OSBPL10: variants seen among roughly 807,000 people sequenced by gnomAD.
The protein encoded by OSBPL10 is oxysterol-binding protein-related protein 10.
A neutral mutation model predicts 81.7 loss-of-function variants in OSBPL10; 49 were observed. That is an observed-to-expected ratio of 0.60 (90% CI 0.48 to 0.76). The LOEUF (loss-of-function observed/expected upper bound fraction) is 0.76. OSBPL10 is among the 30% of genes least tolerant of loss of function. The pLI is 0.00. For missense variants in OSBPL10, 923 were observed against 987.8 expected (o/e 0.93, Z 0.88); for synonymous variants, 419 against 383.6 (o/e 1.09, Z -1.08).
chr3:31,995,387 A>G (rs1193323409), intron 2 of OSBPL10, among the ~76,000 whole-genome samples: 1 of 152,172 alleles, frequency 6.6e-6, no homozygotes, highest in Non-Finnish European at 1.5e-5. Context: ...TTGCTAGGAA[A>G]AGAATTTAGC....
intron 1 of OSBPL10, among the ~76,000 whole-genome samples, chr3:31,893,174 T>C (rs1463869398): frequency 6.6e-6 from 1 of 152,158 alleles, no homozygotes; most frequent in Non-Finnish European, 1.5e-5. Context: ...AAATACCAAG[T>C]ATATACATGC....
intron 1 of OSBPL10, among the ~76,000 whole-genome samples, chr3:32,057,668 C>G (rs777841297): frequency 4.6e-5 from 7 of 152,202 alleles, no homozygotes; most frequent in Admixed American, 6.5e-5. Flanking sequence ...CCCCCATGAT[C>G]CAATTACCTC....
intron 7 of OSBPL10, among the ~76,000 whole-genome samples, chr3:31,697,205 G>T (rs1175167651): frequency 6.6e-6 from 1 of 152,144 alleles, no homozygotes; most frequent in Non-Finnish European, 1.5e-5. Context: ...AAGAAGTCGG[G>T]CGACCCAGTT....
chr3:32,041,772 C>T (rs1461231442), intron 2 of OSBPL10, among the ~76,000 whole-genome samples: 1 of 152,094 alleles, frequency 6.6e-6, no homozygotes, highest in Non-Finnish European at 1.5e-5. Context: ...ATTCTCCTGC[C>T]TCAATCTCCC....
At chr3:31,796,135 T>C in intron 4 of OSBPL10, 1 of 178,168 alleles carries the variant, frequency 5.6e-6, no homozygotes. Context: ...AGCCATTCTC[T>C]CCTTCAGCAT....
upstream of OSBPL10, chr3:32,077,631 T>C (rs767706101): frequency 1.3e-5 from 2 of 152,154 alleles, no homozygotes; most frequent in Non-Finnish European, 2.9e-5. Context: ...ACACTGCACA[T>C]GCTCACCTCC....
intron 4 of OSBPL10, among the ~76,000 whole-genome samples, chr3:31,764,099 G>C (rs1310050684): frequency 6.6e-6 from 1 of 152,198 alleles, no homozygotes; most frequent in Non-Finnish European, 1.5e-5. Context: ...TTGCAAAAGA[G>C]CTAACCGCCC....
chr3:31,745,398 C>G (rs1469501056), intron 5 of OSBPL10, among the ~76,000 whole-genome samples: 1 of 152,170 alleles, frequency 6.6e-6, no homozygotes, highest in East Asian at 1.9e-4. Flanking sequence ...AAAGGTGAAG[C>G]AAACATCATA....
intron 2 of OSBPL10, among the ~76,000 whole-genome samples, chr3:31,878,826 TGTGTGTGTG>T (rs1701549636): frequency 8.1e-6 from 1 of 123,148 alleles, no homozygotes; most frequent in African/African-American, 2.7e-5. Context: ...TGTGTGTGTG[TGTGTGTGTG>T]TGTGTGTGTG....
chr3:31,718,953 A>C (rs1037065715), intron 6 of OSBPL10: 1 of 152,174 alleles, frequency 6.6e-6, no homozygotes, highest in African/African-American at 2.4e-5. Flanking sequence ...CACATGGTGC[A>C]TTTCTCTTAA....
intron 1 of OSBPL10, among the ~76,000 whole-genome samples, chr3:31,978,333 T>C (rs116285080): frequency 0.015 from 2,344 of 152,360 alleles, 19 homozygotes; most frequent in Non-Finnish European, 0.025. Context: ...GGCATTTCCC[T>C]GGACCAGGGA....
At chr3:32,026,053 TAGATGATAGATAGATA>T (rs1353503235) in intron 2 of OSBPL10, among the ~76,000 whole-genome samples, 8 of 119,406 alleles carry the variant, frequency 6.7e-5, no homozygotes, top group African/African-American at 2.8e-4. Context: ...GATAGATAGA[TAGATGATAGATAGATA>T]GATAGATAGA....
intron 5 of OSBPL10, among the ~76,000 whole-genome samples, chr3:31,743,041 T>G (rs904865181): frequency 2.1e-5 from 3 of 142,376 alleles, no homozygotes; most frequent in East Asian, 2.0e-4. Flanking sequence ...GTTTTTTTTT[T>G]TTTTTTTTTT....
intron 3 of OSBPL10, among the ~76,000 whole-genome samples, chr3:31,870,191 G>C (rs372756346): frequency 6.6e-6 from 1 of 152,248 alleles, no homozygotes; most frequent in East Asian, 1.9e-4. Context: ...GGTGGGCGTG[G>C]GCTTGGAGGG....
At chr3:31,815,516 G>C (rs1392496299) in intron 4 of OSBPL10, among the ~76,000 whole-genome samples, 2 of 152,142 alleles carry the variant, frequency 1.3e-5, no homozygotes, top group Non-Finnish European at 2.9e-5. Flanking sequence ...GTCCTGGCAG[G>C]GGGGCAGAGA....
At chr3:31,741,300 C>T (rs1167028608) in intron 5 of OSBPL10, among the ~76,000 whole-genome samples, 1 of 152,254 alleles carries the variant, frequency 6.6e-6, no homozygotes, top group Non-Finnish European at 1.5e-5. Context: ...GAGTCTCGCT[C>T]TGTCACTAGG....
intron 6 of OSBPL10, among the ~76,000 whole-genome samples, chr3:31,732,056 T>A (rs1349592613): frequency 6.6e-6 from 1 of 152,142 alleles, no homozygotes; most frequent in Non-Finnish European, 1.5e-5. Flanking sequence ...GAAATAAGGA[T>A]CTAAAAAATG....
At chr3:31,735,347 A>G (rs4422350) in intron 5 of OSBPL10, among the ~76,000 whole-genome samples, 63,048 of 151,746 alleles carry the variant, frequency 0.42, 13,421 homozygotes, top group East Asian at 0.64. Flanking sequence ...GGCTGAAGTG[A>G]CAGGATTGAT....
chr3:31,778,612 T>A (rs776933170), intron 4 of OSBPL10, among the ~76,000 whole-genome samples: 2 of 152,070 alleles, frequency 1.3e-5, no homozygotes, highest in Non-Finnish European at 2.9e-5. Flanking sequence ...AACAAAAATC[T>A]AAACATTTGG....
Sources: gnomAD v4.1 joint callset for allele counts (sites outside exome capture counted in the v4.1 genomes callset) on GRCh38, gnomAD v4.1.1 for gene constraint, MANE v1.5 for transcripts, NCBI Gene and HGNC (gene_info 2026-07-23, HGNC 2026-07-21) for gene names.